The following RAD51B variants were observed in gnomAD, a reference collection of about 807,000 sequenced individuals.
RAD51B encodes DNA repair protein RAD51 homolog 2.
A neutral mutation model predicts 42.2 loss-of-function variants in RAD51B; 38 were observed. That is an observed-to-expected ratio of 0.90 (90% CI 0.70 to 1.18). RAD51B has a LOEUF of 1.18. RAD51B is among the 50% of genes most tolerant of loss of function. The probability of loss-of-function intolerance (pLI) is 0.00; values close to 1 mark genes in which losing one functional copy is unlikely to be tolerated. For missense variants in RAD51B, 373 were observed against 400.7 expected (o/e 0.93, Z 0.59); for synonymous variants, 154 against 145.2 (o/e 1.06, Z -0.43).
chr14:67,835,293 G>A, intron 4 of RAD51B, 97 bp downstream of exon 4: 1 of 887,998 alleles, frequency 1.1e-6, no homozygotes. Context: ...TTCTGGAACG[G>A]TAATCTGAAT....
chr14:68,426,007 C>CCTTCCTTCCTTT (rs1183115143), intron 9 of RAD51B, among the ~76,000 whole-genome samples: 3,592 of 115,560 alleles, frequency 0.031, 70 homozygotes, highest in Non-Finnish European at 0.038. Context: ...TTCCTTCCTT[C>CCTTCCTTCCTTT]CTTTCTTTCT....
At chr14:68,627,460 C>G (rs182574805) in intron 10 of RAD51B, 1 of 152,228 alleles carries the variant, frequency 6.6e-6, no homozygotes, top group Non-Finnish European at 1.5e-5. Context: ...CCTTTGAGTC[C>G]TTGCACTCCC....
intron 8 of RAD51B, among the ~76,000 whole-genome samples, chr14:68,389,941 C>T (rs991851335): frequency 6.6e-5 from 10 of 152,072 alleles, no homozygotes; most frequent in Admixed American, 2.0e-4. Flanking sequence ...AGGTATTCTG[C>T]GAATATGTAA....
intron 7 of RAD51B, among the ~76,000 whole-genome samples, chr14:68,042,172 A>G (rs187369481): frequency 4.5e-4 from 69 of 152,320 alleles, no homozygotes; most frequent in Admixed American, 4.4e-3. Flanking sequence ...TGGCTCATAC[A>G]GTTACAAGCC....
At chr14:67,834,111 G>T (rs1458044275) in intron 3 of RAD51B, among the ~76,000 whole-genome samples, 1 of 152,074 alleles carries the variant, frequency 6.6e-6, no homozygotes, top group East Asian at 1.9e-4. Context: ...AGGTTCTAGG[G>T]GATTATCCGT....
intron 11 of RAD51B, among the ~76,000 whole-genome samples, chr14:68,665,178 T>TGGA (rs1371858151): frequency 2.6e-5 from 4 of 152,202 alleles, no homozygotes; most frequent in Non-Finnish European, 4.4e-5. Context: ...GCAAGGAGAA[T>TGGA]GGAGTGAGGG....
chr14:68,092,824 T>C (rs570141165), intron 7 of RAD51B, among the ~76,000 whole-genome samples: 5 of 152,168 alleles, frequency 3.3e-5, no homozygotes, highest in Non-Finnish European at 7.3e-5. Flanking sequence ...CAGTATGATA[T>C]TGGCTGTGGG....
At chr14:68,450,100 T>C (rs1437263719) in intron 9 of RAD51B, among the ~76,000 whole-genome samples, 2 of 151,448 alleles carry the variant, frequency 1.3e-5, no homozygotes, top group Non-Finnish European at 2.9e-5. Flanking sequence ...AAGCCCAAGG[T>C]TGCTGTGTGT....
At chr14:68,654,263 C>T (rs531260049) in intron 11 of RAD51B, among the ~76,000 whole-genome samples, 109 of 152,304 alleles carry the variant, frequency 7.2e-4, no homozygotes, top group Middle Eastern at 3.4e-3. Context: ...CCTGGTGGTT[C>T]GGTCTTGGCA....
chr14:67,996,312 T>C (rs2075382350), intron 7 of RAD51B, among the ~76,000 whole-genome samples: 1 of 151,618 alleles, frequency 6.6e-6, no homozygotes, highest in Admixed American at 6.6e-5. Flanking sequence ...AGGAAGATTA[T>C]TTGAGACCAG....
intron 8 of RAD51B, among the ~76,000 whole-genome samples, chr14:68,364,936 G>A (rs2083109925): frequency 1.3e-5 from 2 of 152,164 alleles, no homozygotes; most frequent in Non-Finnish European, 2.9e-5. Context: ...AATAGTTTTA[G>A]GGCAGGAATT....
chr14:67,942,799 G>A (rs1457149012), intron 7 of RAD51B, among the ~76,000 whole-genome samples: 3 of 152,146 alleles, frequency 2.0e-5, no homozygotes, highest in Non-Finnish European at 4.4e-5. Flanking sequence ...GGGAATAGTT[G>A]CAATTATAAA....
chr14:68,324,710 C>G (rs1401137713), intron 8 of RAD51B, among the ~76,000 whole-genome samples: 4 of 152,026 alleles, frequency 2.6e-5, no homozygotes, highest in African/African-American at 9.7e-5. Flanking sequence ...AAATTTTCAT[C>G]CCTACCATTA....
intron 9 of RAD51B, among the ~76,000 whole-genome samples, chr14:68,439,258 G>A (rs1023937024): frequency 3.3e-5 from 5 of 151,650 alleles, no homozygotes; most frequent in Admixed American, 2.0e-4. Flanking sequence ...TCCTCTCCAC[G>A]ATCCCTTTGC....
intron 10 of RAD51B, among the ~76,000 whole-genome samples, chr14:68,474,395 G>T (rs905840015): frequency 2.6e-5 from 4 of 152,134 alleles, no homozygotes; most frequent in African/African-American, 9.7e-5. Flanking sequence ...GGGATGCACT[G>T]CACTCTAGCC....
chr14:68,058,393 GT>G (rs2076514842), intron 7 of RAD51B, among the ~76,000 whole-genome samples: 7 of 152,092 alleles, frequency 4.6e-5, no homozygotes, highest in Admixed American at 4.6e-4. Context: ...TACATTTTTT[GT>G]TTGTTTTTTA....
At chr14:68,472,130 G>C (rs1464404214) in intron 10 of RAD51B, 1 of 152,452 alleles carries the variant, frequency 6.6e-6, no homozygotes, top group Non-Finnish European at 1.5e-5. Context: ...GTAAGAGCAG[G>C]AGTTGGTTCT....
At chr14:68,246,864 T>A (rs941007482) in intron 7 of RAD51B, among the ~76,000 whole-genome samples, 5 of 152,222 alleles carry the variant, frequency 3.3e-5, no homozygotes, top group African/African-American at 7.2e-5. Flanking sequence ...GGGTACGCAC[T>A]TTCTTGTAGC....
chr14:67,930,913 ATTTCTTTTTTTTT>A (rs1174354277), intron 7 of RAD51B, among the ~76,000 whole-genome samples: 4 of 125,034 alleles, frequency 3.2e-5, no homozygotes, highest in East Asian at 4.3e-4. Flanking sequence ...TGCCTGGGTT[ATTTCTTTTTTTTT>A]TTTCTTTTTT....
Sources: gnomAD v4.1 joint callset for allele counts (sites outside exome capture counted in the v4.1 genomes callset) on GRCh38, gnomAD v4.1.1 for gene constraint, MANE v1.5 for transcripts, NCBI Gene and HGNC (gene_info 2026-07-23, HGNC 2026-07-21) for gene names.